The following SNX1 variants were observed in gnomAD, a reference collection of about 807,000 sequenced individuals.
The protein encoded by SNX1 is sorting nexin 1, also known as sorting nexin-1.
In SNX1, 36 loss-of-function variants were observed where a neutral mutation model predicts 71.8. The observed-to-expected ratio is 0.50, with a 90% confidence interval of 0.38 to 0.66. The LOEUF (loss-of-function observed/expected upper bound fraction) is 0.66, where lower values mean the gene tolerates loss of function less well. SNX1 is among the 30% of genes least tolerant of loss of function. SNX1 has a pLI of 0.00. For missense variants in SNX1, 612 were observed against 646.7 expected (o/e 0.95, Z 0.58); for synonymous variants, 254 against 240.7 (o/e 1.06, Z -0.51).
chr15:64,130,420 A>C, intron 10 of SNX1, 99 bp downstream of exon 10: 3 of 1,000,586 alleles, frequency 3.0e-6, no homozygotes, highest in African/African-American at 1.6e-5. Flanking sequence ...CAGCCATCCA[A>C]GTTGAAATTC....
chr15:64,107,445 G>T (rs2081033735), intron 1 of SNX1, among the ~76,000 whole-genome samples: 1 of 152,202 alleles, frequency 6.6e-6, no homozygotes, highest in Non-Finnish European at 1.5e-5. Context: ...GCTCTGAGGG[G>T]CAGCAAGCCT....
chr15:64,115,454 C>A, intron 2 of SNX1: 1 of 302,234 alleles, frequency 3.3e-6, no homozygotes, highest in Non-Finnish European at 6.5e-6. Context: ...AGCCTGAATG[C>A]TTTTCCAGTA....
intron 2 of SNX1, among the ~76,000 whole-genome samples, chr15:64,113,535 T>G (rs1280126369): frequency 6.6e-6 from 1 of 152,160 alleles, no homozygotes; most frequent in Admixed American, 6.6e-5. Context: ...TAAAGTGATC[T>G]TGGGCCAGGC....
chr15:64,129,842 A>T lies in SNX1; in HGVS notation c.808-74A>T. 9.2e-7 allele frequency: 1 copy of T among 1,090,422 alleles called. No individual in the cohort carries two copies. Among genetic ancestry groups the T allele is most frequent in the Non-Finnish European group, 1.4e-6 (1 of 706,502 alleles). 67.5% of individuals were successfully genotyped at this position (1,090,422 alleles called of 1,614,324 possible). ...CTGGCAAGTTTTGGCATGCCATCTG[A>T]TGGATACTAATTCTTCTGAACCTAA... is the stretch of plus-strand genomic sequence containing the variant. On this transcript the variant is annotated intron_variant, in intron 8 of 14. Transcript: ENST00000559844. The surrounding 1 kb of genome is among the most constrained non-coding windows in gnomAD (Gnocchi z 4.4).
chr15:64,103,282 G>A (rs1468783292), intron 1 of SNX1, among the ~76,000 whole-genome samples: 1 of 152,134 alleles, frequency 6.6e-6, no homozygotes, highest in Non-Finnish European at 1.5e-5. Context: ...TCTCCATACT[G>A]TTTTCCATAA....
chr15:64,127,668 T>C, intron 7 of SNX1, 63 bp from the exon 8 acceptor site: 3 of 1,203,646 alleles, frequency 2.5e-6, no homozygotes, highest in Non-Finnish European at 3.7e-6. Context: ...GCCAGCACTG[T>C]GTGACGCCCA....
intron 9 of SNX1, 43 bp downstream of exon 9, chr15:64,130,072 T>G: frequency 6.5e-7 from 1 of 1,529,364 alleles, no homozygotes; most frequent in Non-Finnish European, 9.1e-7. Context: ...CACCTCAGGC[T>G]TATGGGTCAG....
rs1159174914 is a variant in SNX1 at position 64,126,173 on chromosome 15, C to CT, written c.606dup (p.Gln203SerfsTer34). On this transcript the variant is annotated frameshift_variant, in exon 6 of 15. Transcript: ENST00000559844. LOFTEE classifies it high-confidence loss of function. The stretch of plus-strand genomic sequence containing the variant: ...TATGAGAAGCTTTCCGAGAAGCACT[C>CT]TCAGAATGGCTTCATTGTCCCTCCG... The CT allele has an allele frequency of 1.2e-6, 2 of 1,614,160 alleles. No homozygotes were observed. Among genetic ancestry groups the CT allele is most frequent in the Non-Finnish European group, 1.7e-6 (2 of 1,180,002 alleles).
At position 64,118,184 on chromosome 15, in the gene SNX1, C is replaced by T; in HGVS notation, c.339C>T (p.Leu113=). 6.2e-7 allele frequency: 1 copy of T among 1,613,662 alleles called. No homozygotes were observed. The highest frequency in any genetic ancestry group is 8.5e-7 in the Non-Finnish European group (1 of 1,179,870). The change falls in exon 3 of 15, where the codon CTC becomes CTT. Residue 113 remains leucine (L), a synonymous_variant. Transcript: ENST00000559844. ...AGAAGAAGGTGCTAGCCAAAACACT[C>T]ATTTCTCTTCCTCCTCAGGAAGCCA... is the stretch of plus-strand genomic sequence containing the variant. The part of the protein sequence containing the change: ...NNQKKVLAKT[L]ISLPPQEATN...
chr15:64,136,745 C>T, intron 13 of SNX1, 116 bp from the exon 14 acceptor site: 1 of 740,968 alleles, frequency 1.3e-6, no homozygotes, highest in Admixed American at 2.4e-5. Flanking sequence ...ACAGCTGTTC[C>T]ACCTGCTGCC....
At chr15:64,127,911 G>A (rs2081270477) in intron 8 of SNX1, 105 bp downstream of exon 8, 2 of 751,952 alleles carry the variant, frequency 2.7e-6, no homozygotes, top group Admixed American at 2.4e-5. Flanking sequence ...CCTAGTACTA[G>A]ACTGTATCCT....
intron 2 of SNX1, chr15:64,115,852 T>C (rs896827082): frequency 5.9e-6 from 1 of 170,226 alleles, no homozygotes; most frequent in African/African-American, 2.4e-5. Flanking sequence ...TGATACTTCC[T>C]GTTTCATTTC....
At chr15:64,126,251 T>C in intron 6 of SNX1, 31 bp downstream of exon 6, 1 of 1,603,288 alleles carries the variant, frequency 6.2e-7, no homozygotes, top group Non-Finnish European at 8.5e-7. Flanking sequence ...TCCACTTGGA[T>C]TGTTTTCCTT....
chr15:64,130,070 G>A lies in SNX1; in HGVS notation c.921+41G>A, dbSNP rs144962306. The A allele has an allele frequency of 1.9e-4, 291 of 1,531,716 alleles. 1 individual carries two copies. The African/African-American group carries it at 3.6e-3, about 19-fold the overall frequency. The allele number at this position is 1,531,716 out of a possible 1,614,324, so 94.9% of individuals were successfully genotyped here. ...CCTCTTACCTCCACCTACACCTCAG[G>A]CTTATGGGTCAGAACCCCTAAGGAG... is the stretch of plus-strand genomic sequence containing the variant. On this transcript the variant is annotated intron_variant, in intron 9 of 14. Transcript: ENST00000559844.
At chr15:64,132,181 C>CTTAT (rs2081314180) in intron 11 of SNX1, among the ~76,000 whole-genome samples, 1 of 152,208 alleles carries the variant, frequency 6.6e-6, no homozygotes, top group African/African-American at 2.4e-5. Flanking sequence ...CAGACAGTGT[C>CTTAT]TTCTGTGGTC....
chr15:64,126,281 A>G (rs1207920942), intron 6 of SNX1, 61 bp downstream of exon 6: 1 of 1,562,828 alleles, frequency 6.4e-7, no homozygotes, highest in African/African-American at 1.4e-5. Flanking sequence ...TCCAAAATTC[A>G]CTCACTGTTC....
At chr15:64,128,738 C>T (rs778183259) in intron 8 of SNX1, among the ~76,000 whole-genome samples, 1 of 152,114 alleles carries the variant, frequency 6.6e-6, no homozygotes, top group East Asian at 1.9e-4. Context: ...TACTCCATAC[C>T]CCTAAGCAGG....
chr15:64,103,368 G>GT (rs1424419718), intron 1 of SNX1, among the ~76,000 whole-genome samples: 1 of 151,980 alleles, frequency 6.6e-6, no homozygotes, highest in African/African-American at 2.4e-5. Flanking sequence ...AGCATTTGTT[G>GT]TTTTTTGTAT....
chr15:64,108,149 C>T (rs1442205927), intron 1 of SNX1, among the ~76,000 whole-genome samples: 6 of 151,000 alleles, frequency 4.0e-5, no homozygotes, highest in African/African-American at 1.2e-4. Flanking sequence ...GCCAAGATTG[C>T]GCCACTGCAC....
Sources: allele counts gnomAD v4.1 joint callset (sites outside exome capture counted in the v4.1 genomes callset), GRCh38; gene constraint gnomAD v4.1.1; non-coding constraint Gnocchi (gnomAD v3.1); transcripts MANE v1.5; gene names NCBI Gene and HGNC (gene_info 2026-07-23, HGNC 2026-07-21).